Variants in ATP13A3 observed in about 807,000 individuals in gnomAD.
ATP13A3 encodes the protein ATPase 13A3, also known as polyamine-transporting ATPase 13A3.
ATP13A3 carries 59 observed loss-of-function variants against 158.1 expected under a neutral mutation model. The ratio of observed to expected loss-of-function variants is 0.37; its 90% confidence interval spans 0.30 to 0.46. The LOEUF is 0.46. Among genes scored for constraint, ATP13A3 ranks in the 20% least tolerant of loss-of-function variants. The pLI, the probability that ATP13A3 is intolerant of heterozygous loss-of-function variation, is 1.00. For synonymous variants in ATP13A3, 491 were observed against 504.3 expected, an observed-to-expected ratio of 0.97 and a Z score of 0.35; for missense variants, 1,166 against 1,525.2, an observed-to-expected ratio of 0.76 and a Z score of 3.92.
intron 10 of ATP13A3, 188 bp from the exon 11 acceptor site, chr3:194,450,464 A>AAC: frequency 1.8e-6 from 1 of 560,142 alleles, no homozygotes; most frequent in Non-Finnish European, 3.1e-6. Context: ...TGTGTCAGCT[A>AAC]GTTAGTCTCC....
upstream of ATP13A3, among the ~76,000 whole-genome samples, chr3:194,489,962 C>G (rs941197747): frequency 5.9e-5 from 9 of 152,162 alleles, no homozygotes; most frequent in African/African-American, 2.2e-4. This position sits in a 1 kb window ranked among gnomAD's most constrained non-coding sequence, Gnocchi z 4.1. Context: ...CATGATGATT[C>G]TGGGTCCAAG....
chr3:194,459,391 A>G, intron 6 of ATP13A3, 80 bp downstream of exon 6: 1 of 932,132 alleles, frequency 1.1e-6, no homozygotes, highest in South Asian at 1.5e-5. Context: ...CAATTTTATG[A>G]ATACTAGAAT....
intron 2 of ATP13A3, among the ~76,000 whole-genome samples, chr3:194,475,782 C>T (rs963468237): frequency 6.6e-6 from 1 of 152,122 alleles, no homozygotes; most frequent in African/African-American, 2.4e-5. Flanking sequence ...ATAACAACCA[C>T]AATAGTGACG....
At chr3:194,462,486 G>A (rs952681742) in intron 2 of ATP13A3, among the ~76,000 whole-genome samples, 14 of 152,098 alleles carry the variant, frequency 9.2e-5, no homozygotes, top group Admixed American at 5.9e-4. Flanking sequence ...TGAACTGCGC[G>A]TGCAAGGGAT....
rs909198197 is a variant in ATP13A3 at position 194,462,317 on chromosome 3, A to G, written c.-46-81T>C. ...TACAACTGCATTCTATCAACTGTCTATTATACAAGGGGTCCCCAACCCCTG... is the reference window on the plus strand; with the variant it reads ...TACAACTGCATTCTATCAACTGTCTGTTATACAAGGGGTCCCCAACCCCTG... On this transcript the variant is annotated intron_variant, in intron 2 of 33. Coordinates refer to ENST00000645319, the MANE Select transcript of ATP13A3 (RefSeq NM_001367549.1). 48 of 979,490 alleles carry G rather than the reference A, an allele frequency of 4.9e-5. No homozygotes were observed. In the Middle Eastern group the frequency reaches 6.9e-4, roughly 14 times the overall value. The allele number at this position is 979,490 out of a possible 1,614,324, so 60.7% of individuals were successfully genotyped here.
chr3:194,435,775 T>C (rs1330057281), intron 20 of ATP13A3, among the ~76,000 whole-genome samples: 4 of 152,132 alleles, frequency 2.6e-5, no homozygotes, highest in African/African-American at 7.2e-5. Context: ...GGCATGGTGG[T>C]GTGCACCTGT....
At chr3:194,414,704 A>T (rs906663756) in intron 31 of ATP13A3, among the ~76,000 whole-genome samples, 4 of 152,236 alleles carry the variant, frequency 2.6e-5, no homozygotes, top group African/African-American at 9.6e-5. Flanking sequence ...GCACAGATAA[A>T]TAGACACACA....
chr3:194,483,311 G>A (rs900781839), intron 2 of ATP13A3, among the ~76,000 whole-genome samples: 4 of 150,600 alleles, frequency 2.7e-5, no homozygotes, highest in East Asian at 2.0e-4. Context: ...AAAAAAGGAC[G>A]GGGTGCAGTG....
intron 1 of ATP13A3, 119 bp downstream of exon 1, chr3:194,486,447 C>T (rs1720977406): frequency 6.5e-6 from 1 of 153,054 alleles, no homozygotes; most frequent in Non-Finnish European, 1.5e-5. Context: ...CCCGCGATGC[C>T]CAACTCCGGC....
At chr3:194,439,669 A>G (rs1717908418) in intron 16 of ATP13A3, among the ~76,000 whole-genome samples, 2 of 152,222 alleles carry the variant, frequency 1.3e-5, no homozygotes, top group Non-Finnish European at 2.9e-5. Flanking sequence ...ATCTTGTATC[A>G]TATGACATCT....
rs1206155850 is a variant in ATP13A3, at chr3:194,454,401, C to G, written c.631-9G>C. On this transcript the variant is annotated splice_polypyrimidine_tract_variant and intron_variant, in intron 8 of 33. Coordinates refer to ENST00000645319, the MANE Select transcript of ATP13A3 (RefSeq NM_001367549.1). Reference sequence around the variant, plus strand: ...TAAAATGGGTTGAGAACCTAAAAAACAAGATTTTAAAGTCAAACTGAATGA... The same window carrying G: ...TAAAATGGGTTGAGAACCTAAAAAAGAAGATTTTAAAGTCAAACTGAATGA... The G allele has an allele frequency of 1.2e-6, 2 of 1,606,482 alleles. No homozygotes were observed. Among genetic ancestry groups the G allele is most frequent in the African/African-American group, 1.3e-5 (1 of 74,780 alleles).
At chr3:194,468,716 T>C (rs962350789) in intron 2 of ATP13A3, among the ~76,000 whole-genome samples, 1 of 152,230 alleles carries the variant, frequency 6.6e-6, no homozygotes, top group South Asian at 2.1e-4. Flanking sequence ...TCTATGTACG[T>C]GCCTACAATT....
chr3:194,483,962 A>G (rs999592166), intron 2 of ATP13A3, among the ~76,000 whole-genome samples: 1 of 152,222 alleles, frequency 6.6e-6, no homozygotes. Flanking sequence ...ATGGATGATA[A>G]ATGGAATAGG....
rs35011462 is a variant in ATP13A3, at chr3:194,468,386, T to TAAAAAAAAAAAA, written c.-46-6162_-46-6151dup. 172 of 111,806 alleles carry TAAAAAAAAAAAA rather than the reference T, an allele frequency of 1.5e-3. 5 individuals carry two copies. The highest frequency in any genetic ancestry group is 6.4e-3 in the African/African-American group (163 of 25,382). The allele number at this position is 111,806 out of a possible 1,614,324, so 6.9% of individuals were successfully genotyped here. Reference sequence around the variant, plus strand: ...ATAAACTTGATTTGCTGTGTGAGTTTAAAAAAAAAAAAAAAAAAACAGTAT... The same window carrying TAAAAAAAAAAAA: ...ATAAACTTGATTTGCTGTGTGAGTTTAAAAAAAAAAAAAAAAAAAAAAAAAAAAAAACAGTAT... On this transcript the variant is annotated intron_variant, in intron 2 of 33. Coordinates refer to ENST00000645319, the MANE Select transcript of ATP13A3 (RefSeq NM_001367549.1).
At position 194,412,996 on chromosome 3, in the gene ATP13A3, C is replaced by T. The variant is rs953149410; in HGVS notation, c.3484-708G>A. The T allele has an allele frequency of 5.3e-5, 8 of 152,134 alleles. No homozygotes were observed. The East Asian group carries it at 1.5e-3, about 29-fold the overall frequency. 9.4% of individuals were successfully genotyped at this position (152,134 alleles called of 1,614,324 possible). On this transcript the variant is annotated intron_variant, in intron 32 of 33. Transcript: ENST00000645319. The stretch of plus-strand genomic sequence containing the variant: ...AATTACCTTTATTTTGATCCAAAAG[C>T]CTGTGCTATGAAACTCTTAACTTAA...
chr3:194,431,691 A>C (rs1697526698), intron 22 of ATP13A3, 26 bp downstream of exon 22: 1 of 1,492,404 alleles, frequency 6.7e-7, no homozygotes, highest in South Asian at 1.4e-5. Flanking sequence ...ACAAACTTTA[A>C]AACGGACAGT....
chr3:194,477,031 A>G (rs990656985), intron 2 of ATP13A3, among the ~76,000 whole-genome samples: 1 of 152,200 alleles, frequency 6.6e-6, no homozygotes, highest in Non-Finnish European at 1.5e-5. Context: ...GCCCCTTACA[A>G]ACCTTACATG....
At chr3:194,455,410 T>C (rs933411189) in intron 8 of ATP13A3, among the ~76,000 whole-genome samples, 1 of 152,120 alleles carries the variant, frequency 6.6e-6, no homozygotes, top group Non-Finnish European at 1.5e-5. Flanking sequence ...AAAAAACTTA[T>C]TCCAAGTTTA....
rs779472121 is a variant in ATP13A3 at position 194,437,379 on chromosome 3, TC to T, written c.1930del (p.Asp644IlefsTer8). On this transcript the variant is annotated frameshift_variant, in exon 19 of 34. Coordinates refer to ENST00000645319, the MANE Select transcript of ATP13A3 (RefSeq NM_001367549.1). LOFTEE classifies it high-confidence loss of function. ...TTTCATGTAGGCGTCCATTTTCCTA[TC>T]CCCCAGCACCCTGGCAACCACACTC... ...RMSVVARVLGDRKMDAYMKGA... is the reference protein window; with the variant it reads ...RMSVVARVLGXRKMDAYMKGA... 6.2e-7 allele frequency: 1 copy of T among 1,613,886 alleles called. No homozygotes were observed. Among genetic ancestry groups the T allele is most frequent in the Non-Finnish European group, 8.5e-7 (1 of 1,180,028 alleles).
Sources: gnomAD v4.1 joint callset for allele counts (sites outside exome capture counted in the v4.1 genomes callset) on GRCh38, gnomAD v4.1.1 for gene constraint, Gnocchi (gnomAD v3.1) non-coding constraint, MANE v1.5 for transcripts, NCBI Gene and HGNC (gene_info 2026-07-23, HGNC 2026-07-21) for gene names.